KCNQ3: variants seen among roughly 807,000 people sequenced by gnomAD.
The protein encoded by KCNQ3 is potassium voltage-gated channel subfamily Q member 3, also known as potassium voltage-gated channel subfamily KQT member 3.
In KCNQ3, 30 loss-of-function variants were observed where a neutral mutation model predicts 92.5. The ratio of observed to expected loss-of-function variants is 0.32; its 90% CI spans 0.24 to 0.44. KCNQ3 has a LOEUF of 0.44. Among genes scored for constraint, KCNQ3 ranks in the 20% least tolerant of loss-of-function variants. The probability of loss-of-function intolerance (pLI) is 1.00; values close to 1 mark genes in which losing one functional copy is unlikely to be tolerated. For missense variants in KCNQ3, 913 were observed against 1,140.3 expected, an observed-to-expected ratio of 0.80 and a Z score of 2.87; for synonymous variants, 450 against 468.8, an observed-to-expected ratio of 0.96 and a Z score of 0.52.
At chr8:132,287,049 T>G (rs1007225732) in intron 1 of KCNQ3, among the ~76,000 whole-genome samples, 3 of 152,168 alleles carry the variant, frequency 2.0e-5, no homozygotes, top group Non-Finnish European at 4.4e-5. Flanking sequence ...CTCTTTTCAG[T>G]CTCAGGTACT....
chr8:132,132,413 A>G (rs1824914369), intron 13 of KCNQ3, 149 bp from the exon 14 acceptor site: 2 of 704,606 alleles, frequency 2.8e-6, no homozygotes, highest in Admixed American at 2.1e-5. Context: ...CTCTGGAGGC[A>G]TATGTGAGTC....
At chr8:132,333,467 C>T (rs964041042) in intron 1 of KCNQ3, among the ~76,000 whole-genome samples, 8 of 152,072 alleles carry the variant, frequency 5.3e-5, no homozygotes, top group African/African-American at 1.7e-4. Flanking sequence ...TTAAGGAAGC[C>T]GATTTCCCTT....
intron 10 of KCNQ3, 70 bp downstream of exon 10, chr8:132,141,059 G>T: frequency 1.4e-6 from 2 of 1,399,636 alleles, no homozygotes; most frequent in South Asian, 1.2e-5. Flanking sequence ...CAAAGGGAGA[G>T]GTGAGGAAGG....
intron 12 of KCNQ3, among the ~76,000 whole-genome samples, chr8:132,135,357 G>A (rs1045867278): frequency 3.3e-5 from 5 of 152,246 alleles, no homozygotes; most frequent in Non-Finnish European, 7.4e-5. Flanking sequence ...GTTGGGACGG[G>A]GTGGGAGGGA....
intron 1 of KCNQ3, among the ~76,000 whole-genome samples, chr8:132,465,394 T>C (rs940298803): frequency 3.3e-5 from 5 of 151,390 alleles, no homozygotes; most frequent in African/African-American, 9.8e-5. Flanking sequence ...TTGGGCAACA[T>C]AGTGAGACCC....
Position 132,180,553 on chromosome 8 carries a change from A to G in KCNQ3, c.605-224T>C, listed in dbSNP as rs528156229. Among the ~76,000 whole-genome samples the G allele has an allele frequency of 3.3e-5, 5 of 152,298 alleles. No individual in the cohort carries two copies. The South Asian group carries it at 1.0e-3, about 32-fold the overall frequency. ...AGCTCTGAGCCTGAGTGACTTTCCA[A>G]GGCCACCTGGCCAGAAGTAGCATAG... On this transcript the variant is annotated intron_variant, in intron 3 of 14. Transcript: ENST00000388996.
At chr8:132,134,267 C>T in intron 13 of KCNQ3, 23 bp downstream of exon 13, 1 of 1,580,684 alleles carries the variant, frequency 6.3e-7, no homozygotes, top group Non-Finnish European at 8.7e-7. Context: ...CCTGGCCCAT[C>T]AGTCCATGTC....
At chr8:132,262,645 T>TTC (rs1222200648) in intron 1 of KCNQ3, among the ~76,000 whole-genome samples, 1 of 151,048 alleles carries the variant, frequency 6.6e-6, no homozygotes, top group Non-Finnish European at 1.5e-5. Flanking sequence ...TTTTTTTTTT[T>TTC]TTTTTACCAT....
chr8:132,130,084 GTTTT>G, intron 14 of KCNQ3, 88 bp from the exon 15 acceptor site: 49 of 1,140,280 alleles, frequency 4.3e-5, no homozygotes, highest in South Asian at 1.0e-4. Context: ...CTTTTTTTTT[GTTTT>G]TTTTTTTTTT....
chr8:132,278,565 T>C (rs1174783100), intron 1 of KCNQ3, among the ~76,000 whole-genome samples: 1 of 152,188 alleles, frequency 6.6e-6, no homozygotes, highest in African/African-American at 2.4e-5. Context: ...TGAAAGTCCA[T>C]AAGTAGGACT....
chr8:132,286,545 A>G (rs1016727203), intron 1 of KCNQ3, among the ~76,000 whole-genome samples: 26 of 152,268 alleles, frequency 1.7e-4, no homozygotes, highest in East Asian at 7.7e-4. Flanking sequence ...TCACAGGTGG[A>G]AGGAGCTTGC....
chr8:132,270,794 G>A (rs887637402), intron 1 of KCNQ3, among the ~76,000 whole-genome samples: 2 of 152,134 alleles, frequency 1.3e-5, no homozygotes, highest in Admixed American at 6.5e-5. Flanking sequence ...CCCTTAGACT[G>A]CACCGTTTTG....
At chr8:132,452,849 A>G (rs555199196) in intron 1 of KCNQ3, among the ~76,000 whole-genome samples, 1 of 152,332 alleles carries the variant, frequency 6.6e-6, no homozygotes, top group South Asian at 2.1e-4. Context: ...TCTGGCCCCA[A>G]GCTGGGAGCT....
At chr8:132,440,200 C>A (rs1329505250) in intron 1 of KCNQ3, among the ~76,000 whole-genome samples, 1 of 152,116 alleles carries the variant, frequency 6.6e-6, no homozygotes, top group South Asian at 2.1e-4. Context: ...GGTTTGAACT[C>A]TTGGATGCCA....
chr8:132,230,449 CAGAGAGAGAGAGAGAGAG>C (rs5895132), intron 1 of KCNQ3, among the ~76,000 whole-genome samples: 140 of 142,462 alleles, frequency 9.8e-4, no homozygotes, highest in Non-Finnish European at 1.6e-3. Flanking sequence ...GAGAGAGAGA[CAGAGAGAGAGAGAGAGAG>C]AGAGAGAGAG....
chr8:132,300,040 T>C (rs2130580327), intron 1 of KCNQ3, among the ~76,000 whole-genome samples: 1 of 152,296 alleles, frequency 6.6e-6, no homozygotes, highest in Middle Eastern at 3.4e-3. Context: ...CTAGAGGAAG[T>C]CCCTGACTGA....
chr8:132,360,139 A>G (rs1470624574), intron 1 of KCNQ3, among the ~76,000 whole-genome samples: 1 of 152,154 alleles, frequency 6.6e-6, no homozygotes, highest in Non-Finnish European at 1.5e-5. Flanking sequence ...TCAACCACAA[A>G]ATGACAACTC....
intron 1 of KCNQ3, among the ~76,000 whole-genome samples, chr8:132,195,125 CA>C (rs34241082): frequency 0.027 from 4,106 of 152,220 alleles, 210 homozygotes; most frequent in African/African-American, 0.095. Flanking sequence ...GAGAGTTGAC[CA>C]CTGTTTTTCT....
chr8:132,125,807 C>T lies in KCNQ3; in HGVS notation c.*3455G>A, dbSNP rs1386772081. The T allele has an allele frequency of 6.6e-6, 1 of 152,132 alleles. No individual in the cohort carries two copies. The highest frequency in any genetic ancestry group is 2.4e-5 in the African/African-American group (1 of 41,438). The allele number at this position is 152,132 out of a possible 1,614,324, so 9.4% of individuals were successfully genotyped here. On this transcript the variant is annotated 3_prime_UTR_variant, in exon 15 of 15. Coordinates refer to ENST00000388996, the MANE Select transcript of KCNQ3 (RefSeq NM_004519.4). ...AACTAGGGCTTTGTAATATCAATGT[C>T]ATGTCTAATAAGCCTAAATTTCCAG... is the stretch of plus-strand genomic sequence containing the variant.
Sources: gnomAD v4.1 joint callset for allele counts (sites outside exome capture counted in the v4.1 genomes callset) on GRCh38, gnomAD v4.1.1 for gene constraint, MANE v1.5 for transcripts, NCBI Gene and HGNC (gene_info 2026-07-23, HGNC 2026-07-21) for gene names.